SGK1: variants seen among roughly 807,000 people sequenced by gnomAD.
SGK1 encodes the protein serum/glucocorticoid regulated kinase 1.
Under a neutral mutation model 64.2 loss-of-function variants are expected in SGK1, and 26 were observed. The ratio of observed to expected loss-of-function variants is 0.40; its 90% CI spans 0.30 to 0.56. The LOEUF is 0.56. SGK1 is among the 20% of genes least tolerant of loss of function. The pLI, the probability that SGK1 is intolerant of heterozygous loss-of-function variation, is 0.38. For missense variants in SGK1, 519 were observed against 645.6 expected (o/e 0.80, Z 2.12); for synonymous variants, 265 against 239.7 (o/e 1.11, Z -0.98).
intron 2 of SGK1, among the ~76,000 whole-genome samples, chr6:134,210,545 G>T (rs979624883): frequency 6.6e-6 from 1 of 152,070 alleles, no homozygotes; most frequent in Admixed American, 6.6e-5. Flanking sequence ...AATTGTTAAG[G>T]CCAGGTGCAG....
chr6:134,217,627 C>T (rs989575072), intron 2 of SGK1, among the ~76,000 whole-genome samples: 3 of 152,166 alleles, frequency 2.0e-5, no homozygotes, highest in African/African-American at 2.4e-5. Context: ...GTACATCAAC[C>T]GCCACGCTCA....
At chr6:134,269,191 T>C (rs1776903498) in intron 1 of SGK1, among the ~76,000 whole-genome samples, 1 of 147,696 alleles carries the variant, frequency 6.8e-6, no homozygotes, top group Non-Finnish European at 1.5e-5. Context: ...CTACTCTCAT[T>C]GGCCCCCGTC....
At chr6:134,244,709 G>T (rs977758428) in intron 2 of SGK1, among the ~76,000 whole-genome samples, 6 of 152,180 alleles carry the variant, frequency 3.9e-5, no homozygotes, top group African/African-American at 1.4e-4. Flanking sequence ...GAAATCACTC[G>T]CCTTCTGCAT....
At chr6:134,253,904 G>A (rs563405677) in intron 2 of SGK1, among the ~76,000 whole-genome samples, 1 of 152,234 alleles carries the variant, frequency 6.6e-6, no homozygotes, top group Admixed American at 6.5e-5. Context: ...TTTGGTCGCT[G>A]ACTAAGCACC....
At chr6:134,225,352 G>GA (rs1250043063) in intron 2 of SGK1, among the ~76,000 whole-genome samples, 5 of 144,344 alleles carry the variant, frequency 3.5e-5, no homozygotes, top group Non-Finnish European at 4.5e-5. Context: ...CTCCATCTCG[G>GA]AAAAAAAAAA....
chr6:134,286,355 G>A (rs906498122), intron 1 of SGK1, among the ~76,000 whole-genome samples: 2 of 152,166 alleles, frequency 1.3e-5, no homozygotes, highest in Non-Finnish European at 2.9e-5. Flanking sequence ...CTGCTTGGGA[G>A]GCTGAGGTAG....
At position 134,173,097 on chromosome 6, in the gene SGK1, G is replaced by A. The variant is rs1409423346; in HGVS notation, c.760C>T (p.Leu254=). ...VLLKNVKHPF[L]VGLHFSFQTA... is the part of the protein sequence containing the mutation. ...TGGAAAGAGAAGTGAAGGCCCACCAGGAAAGGGTGCTTCACATTCTTCAAC... is the reference window on the plus strand; with the variant it reads ...TGGAAAGAGAAGTGAAGGCCCACCAAGAAAGGGTGCTTCACATTCTTCAAC... The change falls in exon 8 of 14, where the codon CTG becomes TTG. Residue 254 remains leucine (L), a synonymous_variant. Coordinates refer to ENST00000367858, the MANE Select transcript of SGK1 (RefSeq NM_001143676.3). The A allele has an allele frequency of 1.2e-6, 2 of 1,613,954 alleles. No individual in the cohort carries two copies. Among genetic ancestry groups the A allele is most frequent in the South Asian group, 2.2e-5 (2 of 91,076 alleles).
At chr6:134,211,799 G>T (rs1039490019) in intron 2 of SGK1, among the ~76,000 whole-genome samples, 1 of 150,194 alleles carries the variant, frequency 6.7e-6, no homozygotes, top group Non-Finnish European at 1.5e-5. Context: ...ACTTGAACCC[G>T]GGAGACTGAG....
chr6:134,283,612 C>T (rs1777130020), intron 1 of SGK1, among the ~76,000 whole-genome samples: 2 of 151,924 alleles, frequency 1.3e-5, no homozygotes, highest in Admixed American at 6.6e-5. Flanking sequence ...CATTGGGAGG[C>T]CAAGGTGGGA....
intron 2 of SGK1, among the ~76,000 whole-genome samples, chr6:134,257,332 G>A (rs1425572191): frequency 6.6e-6 from 1 of 152,166 alleles, no homozygotes; most frequent in African/African-American, 2.4e-5. Context: ...GAACCCAGGA[G>A]GCAGGGGTTA....
chr6:134,250,728 T>C (rs1227852379), intron 2 of SGK1, among the ~76,000 whole-genome samples: 5 of 152,220 alleles, frequency 3.3e-5, no homozygotes. Context: ...TTAAATTATA[T>C]GGTTTTAAGA....
chr6:134,213,639 T>TAAATAAATAAATAAAC (rs1775929433), intron 2 of SGK1, among the ~76,000 whole-genome samples: 1 of 120,602 alleles, frequency 8.3e-6, no homozygotes, highest in South Asian at 2.4e-4. Flanking sequence ...AATAAATAAA[T>TAAATAAATAAATAAAC]AAATAATAAA....
intron 3 of SGK1, among the ~76,000 whole-genome samples, chr6:134,180,765 G>GGA (rs1401094871): frequency 1.3e-5 from 2 of 151,914 alleles, no homozygotes; most frequent in Non-Finnish European, 2.9e-5. Flanking sequence ...CAGCTACATG[G>GGA]GAGGCTAAGG....
In SGK1 at chr6:134,179,849, G is replaced by T. The variant is rs534767671; in HGVS notation, c.362-5263C>A. On this transcript the variant is annotated intron_variant, in intron 3 of 13. Coordinates refer to ENST00000367858, the MANE Select transcript of SGK1 (RefSeq NM_001143676.3). ...AGCCCATAGGAAAATTGACGGGAGG[G>T]TAGGAACAAGATTTGGTAGTAAATT... Among the ~76,000 whole-genome samples the T allele has an allele frequency of 3.9e-5, 6 of 152,272 alleles. 1 individual carries two copies. Among genetic ancestry groups the T allele is most frequent in the African/African-American group, 1.4e-4 (6 of 41,544 alleles).
At chr6:134,305,027 A>C (rs563425353) in intron 1 of SGK1, among the ~76,000 whole-genome samples, 5 of 152,310 alleles carry the variant, frequency 3.3e-5, no homozygotes, top group East Asian at 3.9e-4. Context: ...CTTTACAGGG[A>C]ACAGTGAATG....
At chr6:134,208,087 T>C (rs923875388) in intron 2 of SGK1, among the ~76,000 whole-genome samples, 9 of 152,082 alleles carry the variant, frequency 5.9e-5, no homozygotes, top group African/African-American at 2.2e-4. Flanking sequence ...AATTTTTGCA[T>C]TTTTAGCAGA....
intron 2 of SGK1, among the ~76,000 whole-genome samples, chr6:134,222,763 C>T (rs1378614675): frequency 6.6e-6 from 1 of 152,060 alleles, no homozygotes. Flanking sequence ...CTATTCAATA[C>T]AATATTTGGA....
chr6:134,233,248 A>G (rs956681679), intron 2 of SGK1, among the ~76,000 whole-genome samples: 1 of 152,186 alleles, frequency 6.6e-6, no homozygotes, highest in Non-Finnish European at 1.5e-5. Context: ...ACTTGAATGC[A>G]TTTGTATCCC....
At chr6:134,239,127 A>C (rs1776406941) in intron 2 of SGK1, among the ~76,000 whole-genome samples, 1 of 152,362 alleles carries the variant, frequency 6.6e-6, no homozygotes, top group Non-Finnish European at 1.5e-5. Flanking sequence ...TAGCAAGCAC[A>C]TCTGGAATCC....
Sources: allele counts gnomAD v4.1 joint callset (sites outside exome capture counted in the v4.1 genomes callset), GRCh38; gene constraint gnomAD v4.1.1; transcripts MANE v1.5; gene names NCBI Gene and HGNC (gene_info 2026-07-23, HGNC 2026-07-21).